TAFA2: variants seen among roughly 807,000 people sequenced by gnomAD.
The protein encoded by TAFA2 is chemokine-like protein TAFA-2.
In TAFA2, 7 loss-of-function variants were observed where a neutral mutation model predicts 18.8. The ratio of observed to expected loss-of-function variants is 0.37; its 90% confidence interval spans 0.21 to 0.70. TAFA2 has a LOEUF of 0.70. Among genes scored for constraint, TAFA2 ranks in the 30% least tolerant of loss-of-function variants. The pLI is 0.53. For synonymous variants in TAFA2, 60 were observed against 54.2 expected (o/e 1.11, Z -0.47); for missense variants, 122 against 158.1 (o/e 0.77, Z 1.23).
chr12:61,982,362 A>G (rs1879664856), intron 1 of TAFA2, among the ~76,000 whole-genome samples: 1 of 152,142 alleles, frequency 6.6e-6, no homozygotes, highest in Non-Finnish European at 1.5e-5. Flanking sequence ...TGGGTGCAGC[A>G]CACCAGCATG....
intron 2 of TAFA2, among the ~76,000 whole-genome samples, chr12:61,812,818 C>T (rs1366914026): frequency 2.0e-5 from 3 of 151,306 alleles, no homozygotes; most frequent in Admixed American, 6.6e-5. Context: ...GATCCACCCA[C>T]CTCAGCCTCT....
chr12:61,762,823 T>C (rs2120800219), intron 2 of TAFA2, among the ~76,000 whole-genome samples: 1 of 152,150 alleles, frequency 6.6e-6, no homozygotes, highest in Admixed American at 6.6e-5. Flanking sequence ...TCATTGATTA[T>C]GAAATTTTGT....
intron 1 of TAFA2, among the ~76,000 whole-genome samples, chr12:62,181,281 T>C (rs145308729): frequency 6.0e-4 from 92 of 152,328 alleles, no homozygotes; most frequent in African/African-American, 1.9e-3. Flanking sequence ...TTTGTAACTA[T>C]GTAACTACTG....
At chr12:61,721,526 C>T (rs537734084) in intron 4 of TAFA2, among the ~76,000 whole-genome samples, 7 of 152,216 alleles carry the variant, frequency 4.6e-5, no homozygotes, top group African/African-American at 9.6e-5. Flanking sequence ...CACCCCTGGG[C>T]GGCATTCATT....
At chr12:62,169,745 G>A (rs1047997923) in intron 1 of TAFA2, among the ~76,000 whole-genome samples, 4 of 151,686 alleles carry the variant, frequency 2.6e-5, no homozygotes, top group Non-Finnish European at 5.9e-5. Context: ...AAGCTACTGG[G>A]GAGGCTGAGG....
intron 2 of TAFA2, among the ~76,000 whole-genome samples, chr12:61,850,706 T>G (rs897653957): frequency 5.3e-5 from 8 of 151,996 alleles, no homozygotes; most frequent in African/African-American, 1.9e-4. Flanking sequence ...TAAACAAACA[T>G]GAGAGAGGAA....
chr12:61,735,559 T>C (rs912036134), intron 4 of TAFA2, among the ~76,000 whole-genome samples: 1 of 152,090 alleles, frequency 6.6e-6, no homozygotes, highest in Non-Finnish European at 1.5e-5. Flanking sequence ...TATCATTTGA[T>C]ATAATCACTC....
At chr12:61,753,849 G>A in intron 3 of TAFA2, 103 bp from the exon 4 acceptor site, 1 of 921,058 alleles carries the variant, frequency 1.1e-6, no homozygotes, top group Non-Finnish European at 1.6e-6. Context: ...TCCTACCAGT[G>A]GGAATACAGG....
chr12:61,895,587 T>C lies in TAFA2; in HGVS notation c.-1-28161A>G, dbSNP rs535984941. Among the ~76,000 whole-genome samples the C allele has an allele frequency of 4.6e-5, 7 of 152,268 alleles. No individual in the cohort carries two copies. In the South Asian group the frequency reaches 1.0e-3, roughly 23 times the overall value. The stretch of plus-strand genomic sequence containing the variant: ...GGAGAGAACAGTTCACAAAGACCCA[T>C]GTTCCCAAGAATAACGTCCATGCTT... On this transcript the variant is annotated intron_variant, in intron 1 of 4. Coordinates refer to ENST00000416284, the MANE Select transcript of TAFA2 (RefSeq NM_178539.5).
At chr12:62,160,580 G>T (rs2062399931) in intron 1 of TAFA2, among the ~76,000 whole-genome samples, 1 of 152,106 alleles carries the variant, frequency 6.6e-6, no homozygotes, top group Non-Finnish European at 1.5e-5. Flanking sequence ...ATTGTGTTTT[G>T]CCTGCCATCC....
chr12:62,118,009 C>T (rs1337390269), intron 1 of TAFA2, among the ~76,000 whole-genome samples: 1 of 152,010 alleles, frequency 6.6e-6, no homozygotes, highest in Non-Finnish European at 1.5e-5. Context: ...GTGATAAGTA[C>T]ACATGAATTT....
chr12:62,140,927 G>C (rs76514590), intron 1 of TAFA2, among the ~76,000 whole-genome samples: 7,211 of 152,236 alleles, frequency 0.047, 253 homozygotes, highest in Non-Finnish European at 0.073. Flanking sequence ...TGAGCCCCTG[G>C]TAGACACCAG....
chr12:62,125,944 TATA>T (rs1301252649), intron 1 of TAFA2, among the ~76,000 whole-genome samples: 1 of 152,142 alleles, frequency 6.6e-6, no homozygotes, highest in Non-Finnish European at 1.5e-5. Flanking sequence ...GTGCTTGGCA[TATA>T]ATAAGTGAAT....
At chr12:61,830,580 TG>T (rs1285333845) in intron 2 of TAFA2, among the ~76,000 whole-genome samples, 1 of 151,676 alleles carries the variant, frequency 6.6e-6, no homozygotes, top group Non-Finnish European at 1.5e-5. Context: ...ATAATAGTCA[TG>T]GGAGACTCAG....
At chr12:62,056,968 C>T (rs1282520813) in intron 1 of TAFA2, among the ~76,000 whole-genome samples, 1 of 152,160 alleles carries the variant, frequency 6.6e-6, no homozygotes, top group African/African-American at 2.4e-5. Context: ...AGTTTTTAGT[C>T]TCTCATGCTG....
intron 1 of TAFA2, among the ~76,000 whole-genome samples, chr12:62,067,263 T>A (rs904694218): frequency 6.6e-6 from 1 of 152,028 alleles, no homozygotes; most frequent in Admixed American, 6.6e-5. Flanking sequence ...ATTCTTTGGG[T>A]TGTATCTTCA....
intron 1 of TAFA2, among the ~76,000 whole-genome samples, chr12:62,146,786 C>T (rs2062284559): frequency 6.6e-6 from 1 of 152,126 alleles, no homozygotes; most frequent in South Asian, 2.1e-4. Flanking sequence ...CTCTGGAATA[C>T]ACCTGATAAA....
intron 4 of TAFA2, among the ~76,000 whole-genome samples, chr12:61,716,420 C>T (rs1330394568): frequency 1.3e-5 from 2 of 152,108 alleles, no homozygotes; most frequent in African/African-American, 2.4e-5. Flanking sequence ...TTTCCCTATT[C>T]TTTATTGATG....
Position 61,869,708 on chromosome 12 carries a change from A to G in TAFA2, c.-1-2282T>C, listed in dbSNP as rs145790426. On this transcript the variant is annotated intron_variant, in intron 1 of 4. Coordinates refer to ENST00000416284, the MANE Select transcript of TAFA2 (RefSeq NM_178539.5). ...GAGCTATAACAATAACCTGGTTTGG[A>G]ACTTATTCTCAGTAAACCAAATGTC... Among the ~76,000 whole-genome samples, 722 of 152,288 alleles carry G rather than the reference A, an allele frequency of 4.7e-3. 9 individuals carry two copies. Among genetic ancestry groups the G allele is most frequent in the Non-Finnish European group, 5.8e-3 (397 of 68,006 alleles).
Sources: allele counts gnomAD v4.1 joint callset (sites outside exome capture counted in the v4.1 genomes callset), GRCh38; gene constraint gnomAD v4.1.1; transcripts MANE v1.5; gene names NCBI Gene and HGNC (gene_info 2026-07-23, HGNC 2026-07-21).